Variants in MUC5B observed in about 807,000 individuals in gnomAD.
MUC5B encodes mucin 5B, oligomeric mucus/gel-forming.
In MUC5B, 116 loss-of-function variants were observed where a neutral mutation model predicts 376.9. The ratio of observed to expected loss-of-function variants is 0.31; its 90% confidence interval spans 0.26 to 0.36. MUC5B has a LOEUF of 0.36. MUC5B is among the 10% of genes least tolerant of loss of function. The probability of loss-of-function intolerance (pLI) is 1.00; values close to 1 mark genes in which losing one functional copy is unlikely to be tolerated. For missense variants in MUC5B, 7,165 were observed against 7,769.9 expected, an observed-to-expected ratio of 0.92 and a Z score of 2.93; for synonymous variants, 3,517 against 3,390.9, an observed-to-expected ratio of 1.04 and a Z score of -1.29.
Position 1,250,173 on chromosome 11 carries a change from T to G in MUC5B, c.13293T>G (p.Thr4431=). The G allele has an allele frequency of 1.6e-5, 26 of 1,587,204 alleles. No homozygotes were observed. The highest frequency in any genetic ancestry group is 2.2e-5 in the Non-Finnish European group (26 of 1,160,066). ...AGCTGACCACAACAGCCACTACGAC[T>G]GCGTCCACTGGATCCACGGCCACCC... is the stretch of plus-strand genomic sequence containing the variant. ...LTELTTTATT[T]ASTGSTATPS... The change falls in exon 31 of 49, where the codon ACT becomes ACG. Residue 4431 remains threonine, a synonymous_variant. Transcript: ENST00000529681.
Position 1,262,042 on chromosome 11 carries a change from G to T in MUC5B, c.*434G>T, listed in dbSNP as rs745945205. On this transcript the variant is annotated 3_prime_UTR_variant, in exon 49 of 49. Transcript: ENST00000529681. ...GGAAGCTGCGACAGGCAAGGCGGCCGCCTGTCCATGCCTGCTGCAGGGTAA... is the reference window on the plus strand; with the variant it reads ...GGAAGCTGCGACAGGCAAGGCGGCCTCCTGTCCATGCCTGCTGCAGGGTAA... 2 of 522,150 alleles carry T rather than the reference G, an allele frequency of 3.8e-6. No individual in the cohort carries two copies. The highest frequency in any genetic ancestry group is 7.6e-6 in the Non-Finnish European group (2 of 263,420). 32.3% of individuals were successfully genotyped at this position (522,150 alleles called of 1,614,324 possible). A position where few individuals can be genotyped will look rare whatever the true frequency, so the allele number is the denominator to read the frequency against.
chr11:1,236,352 G>A (rs747257418), intron 23 of MUC5B, 34 bp from the exon 24 acceptor site: 2 of 1,580,522 alleles, frequency 1.3e-6, no homozygotes, highest in South Asian at 1.1e-5. Context: ...GGGGCCACAG[G>A]GTCGGCTTCC....
Position 1,249,777 on chromosome 11 carries a change from C to T in MUC5B, c.12897C>T (p.Ser4299=), listed in dbSNP as rs1364001721. 6.2e-7 allele frequency: 1 copy of T among 1,613,356 alleles called. No individual in the cohort carries two copies. ...PTATSSKATS[S]SSPRTATTLP... The stretch of plus-strand genomic sequence containing the variant: ...CCACCAGTTCCAAAGCCACTTCCTC[C>T]TCCAGTCCAAGGACTGCAACCACCC... The change falls in exon 31 of 49, where the codon TCC becomes TCT. Residue 4299 remains serine (S), a synonymous_variant. Coordinates refer to ENST00000529681, the MANE Select transcript of MUC5B (RefSeq NM_002458.3).
rs1036005304 is a variant in MUC5B at position 1,230,115 on chromosome 11, A to T, written c.1331A>T (p.His444Leu). 1.2e-6 allele frequency: 2 copies of T among 1,611,578 alleles called. No homozygotes were observed. The highest frequency in any genetic ancestry group is 1.7e-6 in the Non-Finnish European group (2 of 1,179,096). The part of the protein sequence containing the change: ...STYDEKLYDL[H>L]GDCSYVLSKK... ...TATGATGAGAAACTCTACGACCTGC[A>T]TGGTGACTGCAGCTACGTTCTGTCC... Residue 444 changes from histidine to leucine, a missense_variant, in exon 11 of 49, where the codon CAT (histidine) becomes CTT (leucine). His to Leu is a moderately conservative substitution (Grantham distance 99). This residue lies in a region of MUC5B where 640 missense variants were observed against 733.0 expected (regional missense o/e 0.87). Coordinates refer to ENST00000529681, the MANE Select transcript of MUC5B (RefSeq NM_002458.3).
chr11:1,258,385 G>T lies in MUC5B; in HGVS notation c.16593+18G>T, dbSNP rs1473353562. 6.2e-7 allele frequency: 1 copy of T among 1,611,434 alleles called. No homozygotes were observed. The highest frequency in any genetic ancestry group is 8.5e-7 in the Non-Finnish European group (1 of 1,179,246). On this transcript the variant is annotated intron_variant, in intron 43 of 48. Coordinates refer to ENST00000529681, the MANE Select transcript of MUC5B (RefSeq NM_002458.3). This position sits in a 1 kb window ranked among gnomAD's most constrained non-coding sequence, Gnocchi z 5.5. ...TCTACGGGGTAAGGGCACAGCAGTG[G>T]GTGGGTGTGGCCCTGGGGCCTGAAC... is the stretch of plus-strand genomic sequence containing the variant.
rs773071191 is a variant in MUC5B at position 1,254,831 on chromosome 11, G to T, written c.15615G>T (p.Gln5205His). The change falls in exon 35 of 49, where the codon CAG becomes CAT. Residue 5205 changes from glutamine to histidine, a missense_variant. Gln to His is a conservative substitution (Grantham distance 24). Transcript: ENST00000529681. ...TCACCTTCAATGGCCAAGTCTTCCA[G>T]GCCCGGCTGCCCTACAGCCTCTTCC... Reference protein sequence around the residue: ...VSVTFNGQVFQARLPYSLFHN... With the variant: ...VSVTFNGQVFHARLPYSLFHN... The T allele has an allele frequency of 1.9e-6, 3 of 1,612,544 alleles. No individual in the cohort carries two copies. The highest frequency in any genetic ancestry group is 2.5e-6 in the Non-Finnish European group (3 of 1,179,796).
chr11:1,246,773 C>A lies in MUC5B; in HGVS notation c.9893C>A (p.Ser3298Tyr). ...RATGSVATPSSTPGTAHTTKV... is the reference protein window; with the variant it reads ...RATGSVATPSYTPGTAHTTKV... ...ACCGGCTCTGTGGCCACCCCCTCCT[C>A]CACCCCAGGAACAGCTCACACTACC... Residue 3298 changes from serine to tyrosine, a missense_variant, in exon 31 of 49, where the codon TCC (serine) becomes TAC (tyrosine). Physicochemically the swap from Ser to Tyr is moderately radical, Grantham distance 144. Coordinates refer to ENST00000529681, the MANE Select transcript of MUC5B (RefSeq NM_002458.3). The A allele has an allele frequency of 6.2e-7, 1 of 1,610,874 alleles. No individual in the cohort carries two copies. Among genetic ancestry groups the A allele is most frequent in the South Asian group, 1.1e-5 (1 of 90,962 alleles).
Position 1,246,170 on chromosome 11 carries a change from C to A in MUC5B, c.9290C>A (p.Ser3097Tyr). 1 of 1,613,088 alleles carries A rather than the reference C, an allele frequency of 6.2e-7. No individual in the cohort carries two copies. Among genetic ancestry groups the A allele is most frequent in the Non-Finnish European group, 8.5e-7 (1 of 1,179,662 alleles). Residue 3097 changes from serine to tyrosine, a missense_variant, in exon 31 of 49, where the codon TCC becomes TAC. Coordinates refer to ENST00000529681, the MANE Select transcript of MUC5B (RefSeq NM_002458.3). ...PMATMSTIHP[S>Y]STPETTHTST... is the part of the protein sequence containing the mutation. ...GCCACCATGTCCACAATCCACCCCTCCTCCACTCCGGAGACCACCCACACC... is the reference window on the plus strand; with the variant it reads ...GCCACCATGTCCACAATCCACCCCTACTCCACTCCGGAGACCACCCACACC...
In MUC5B at chr11:1,244,840, G is replaced by A; in HGVS notation, c.7960G>A (p.Gly2654Arg). Reference protein sequence around the residue: ...GSTVTPSSIPGTTHTPTVLTT... With the variant: ...GSTVTPSSIPRTTHTPTVLTT... ...CACGGTGACCCCCTCCTCCATCCCG[G>A]GGACCACCCACACCCCCACAGTGCT... The change falls in exon 31 of 49, where the codon GGG becomes AGG. Residue 2654 changes from glycine to arginine, a missense_variant. Gly to Arg is a moderately radical substitution (Grantham distance 125). Transcript: ENST00000529681. 1 of 1,613,498 alleles carries A rather than the reference G, an allele frequency of 6.2e-7. No homozygotes were observed. The highest frequency in any genetic ancestry group is 8.5e-7 in the Non-Finnish European group (1 of 1,179,740).
chr11:1,239,588 A>G (rs746921165), intron 27 of MUC5B, 22 bp downstream of exon 27: 17 of 1,545,728 alleles, frequency 1.1e-5, no homozygotes, highest in Non-Finnish European at 1.4e-5. Context: ...CCTTTCTTGG[A>G]TGGAGCCTCC....
In MUC5B at chr11:1,257,445, C is replaced by A; in HGVS notation, c.16270-85C>A. On this transcript the variant is annotated intron_variant, in intron 40 of 48. Coordinates refer to ENST00000529681, the MANE Select transcript of MUC5B (RefSeq NM_002458.3). The surrounding 1 kb of genome is among the most constrained non-coding windows in gnomAD (Gnocchi z 8.9). ...CACTCTGGGCCACTCGGGTACCAGC[C>A]CGAGGGAGGGGGTGGCTGGACAGAT... The A allele has an allele frequency of 1.3e-6, 2 of 1,519,716 alleles. No homozygotes were observed. The highest frequency in any genetic ancestry group is 2.3e-5 in the East Asian group (1 of 42,694). 94.1% of individuals were successfully genotyped at this position (1,519,716 alleles called of 1,614,324 possible).
chr11:1,251,872 C>T (rs1862710061), intron 31 of MUC5B, 129 bp downstream of exon 31: 3 of 711,422 alleles, frequency 4.2e-6, no homozygotes, highest in Admixed American at 2.8e-5. Context: ...CTCACTTGGC[C>T]CCTCCCGGCC....
chr11:1,245,730 G>A lies in MUC5B; in HGVS notation c.8850G>A (p.Val2950=). 6.2e-7 allele frequency: 1 copy of A among 1,610,018 alleles called. No individual in the cohort carries two copies. ...TGGTCTGCAGGAACCGTGAGCAGGT[G>A]GGGAAGTTCAAGATGTGCTTCAACT... is the stretch of plus-strand genomic sequence containing the variant. The part of the protein sequence containing the change: ...FGLVCRNREQ[V]GKFKMCFNYE... The change falls in exon 31 of 49, where the codon GTG becomes GTA. Residue 2950 remains valine (V), a synonymous_variant. Transcript: ENST00000529681.
In MUC5B at chr11:1,246,434, C is replaced by A. The variant is rs749527413; in HGVS notation, c.9554C>A (p.Ser3185Tyr). Residue 3185 changes from serine to tyrosine, a missense_variant, in exon 31 of 49, where the codon TCC becomes TAC. Coordinates refer to ENST00000529681, the MANE Select transcript of MUC5B (RefSeq NM_002458.3). ...ACCGGATCCACGGCCACCGCCTCCT[C>A]CACCCGGGCAACTGCTGGCACCCTC... ...VPTGSTATAS[S>Y]TRATAGTLKV... The A allele has an allele frequency of 1.2e-6, 2 of 1,613,614 alleles. No homozygotes were observed. Among genetic ancestry groups the A allele is most frequent in the South Asian group, 2.2e-5 (2 of 91,062 alleles).
rs762067941 is a variant in MUC5B, at chr11:1,245,391, C to T, written c.8511C>T (p.Ser2837=). The T allele has an allele frequency of 6.4e-7, 1 of 1,565,182 alleles. No individual in the cohort carries two copies. Among genetic ancestry groups the T allele is most frequent in the Admixed American group, 1.8e-5 (1 of 54,444 alleles). ...TTTPGHTRAT[S]RTTATATPSK... ...CCCCGGGCCACACCAGGGCCACCTC[C>T]AGGACCACGGCCACGGCCACACCCA... The change falls in exon 31 of 49, where the codon TCC becomes TCT. Residue 2837 remains serine (S), a synonymous_variant. Coordinates refer to ENST00000529681, the MANE Select transcript of MUC5B (RefSeq NM_002458.3).
In MUC5B at chr11:1,233,266, G is replaced by A; in HGVS notation, c.2319G>A (p.Val773=). The change falls in exon 18 of 49, where the codon GTG becomes GTA. Residue 773 remains valine, a splice_region_variant and synonymous_variant. Transcript: ENST00000529681. Reference sequence around the variant, plus strand: ...AGGTGGTGCACGACGAGGGCGCCGTGTGGTAAGGGTCTGGGGGGAAAGCAG... The same window carrying A: ...AGGTGGTGCACGACGAGGGCGCCGTATGGTAAGGGTCTGGGGGGAAAGCAG... ...PGEVVHDEGA[V]CSCTGGKLSC... The A allele has an allele frequency of 1.3e-6, 2 of 1,559,826 alleles. No homozygotes were observed. Among genetic ancestry groups the A allele is most frequent in the South Asian group, 1.2e-5 (1 of 86,274 alleles).
intron 23 of MUC5B, among the ~76,000 whole-genome samples, chr11:1,236,184 G>T (rs1424426020): frequency 6.6e-6 from 1 of 152,186 alleles, no homozygotes; most frequent in Non-Finnish European, 1.5e-5. Context: ...TTCCCAGGCA[G>T]CCCCTGTTCC....
chr11:1,254,972 G>C (rs1862797225), intron 35 of MUC5B, 69 bp from the exon 36 acceptor site: 10 of 1,059,336 alleles, frequency 9.4e-6, no homozygotes, highest in Admixed American at 2.0e-5. Flanking sequence ...GGGAATGAGT[G>C]GGGGAGGGGG....
chr11:1,232,914 T>C, intron 17 of MUC5B, 99 bp from the exon 18 acceptor site: 1 of 1,465,436 alleles, frequency 6.8e-7, no homozygotes, highest in Non-Finnish European at 9.0e-7. Flanking sequence ...CTCATGCCCT[T>C]GCGATCCCCA....
Sources: gnomAD v4.1 joint callset for allele counts (sites outside exome capture counted in the v4.1 genomes callset) on GRCh38, gnomAD v4.1.1 for gene constraint, gnomAD v4.1.1 regional missense constraint, Gnocchi (gnomAD v3.1) non-coding constraint, MANE v1.5 for transcripts, NCBI Gene and HGNC (gene_info 2026-07-23, HGNC 2026-07-21) for gene names.